Variants in CEP85 observed in about 807,000 individuals in gnomAD.
CEP85 encodes centrosomal protein of 85 kDa.
Under a neutral mutation model 93.7 loss-of-function variants are expected in CEP85, and 58 were observed. The observed-to-expected ratio is 0.62, with a 90% CI of 0.50 to 0.77. The LOEUF is 0.77. Among genes scored for constraint, CEP85 ranks in the 30% least tolerant of loss-of-function variants. The pLI is 0.00. For synonymous variants in CEP85, 314 were observed against 338.6 expected, an observed-to-expected ratio of 0.93 and a Z score of 0.80; for missense variants, 868 against 922.0, an observed-to-expected ratio of 0.94 and a Z score of 0.76.
chr1:26,242,688 G>A (rs2089445807), intron 2 of CEP85, among the ~76,000 whole-genome samples: 1 of 152,100 alleles, frequency 6.6e-6, no homozygotes, highest in Non-Finnish European at 1.5e-5. Flanking sequence ...TTTAGTGGGA[G>A]CAATCATTTG....
chr1:26,242,204 A>G (rs1181633851), intron 2 of CEP85, among the ~76,000 whole-genome samples: 1 of 152,242 alleles, frequency 6.6e-6, no homozygotes, highest in Non-Finnish European at 1.5e-5. Flanking sequence ...GTGGAAGATT[A>G]GTAGTAGTAA....
chr1:26,250,579 A>G (rs1055749477), intron 3 of CEP85, among the ~76,000 whole-genome samples: 1 of 152,222 alleles, frequency 6.6e-6, no homozygotes, highest in African/African-American at 2.4e-5. Context: ...AACCCAATAG[A>G]TAAGTTAAAA....
chr1:26,253,839 C>T (rs111355088), intron 3 of CEP85, among the ~76,000 whole-genome samples: 25,005 of 151,460 alleles, frequency 0.17, 2,160 homozygotes, highest in Middle Eastern at 0.21. Context: ...CCCATGAGTT[C>T]GAGACCAGTC....
intron 8 of CEP85, among the ~76,000 whole-genome samples, 183 bp downstream of exon 8, chr1:26,268,818 CAG>C (rs1024776681): frequency 6.6e-6 from 1 of 152,224 alleles, no homozygotes; most frequent in African/African-American, 2.4e-5. Context: ...GGTACCCAGA[CAG>C]AGTCTTCCTT....
At chr1:26,254,642 C>T (rs2089668901) in intron 3 of CEP85, 1 of 158,234 alleles carries the variant, frequency 6.3e-6, no homozygotes, top group African/African-American at 2.4e-5. Context: ...CCCTGTCCTG[C>T]ATACTGAGCA....
chr1:26,269,420 C>T, intron 8 of CEP85, 40 bp from the exon 9 acceptor site: 3 of 1,601,750 alleles, frequency 1.9e-6, no homozygotes, highest in Non-Finnish European at 2.6e-6. Flanking sequence ...ATTTATAACA[C>T]TTGGCTTATT....
Position 26,239,779 on chromosome 1 carries a change from G to A in CEP85, c.-5G>A. 1 of 1,611,786 alleles carries A rather than the reference G, an allele frequency of 6.2e-7. No homozygotes were observed. The highest frequency in any genetic ancestry group is 8.5e-7 in the Non-Finnish European group (1 of 1,177,896). ...TTCTACAGTTGGCTTAAATAACTGT[G>A]ATTGATGGCCATGCAGGAGAAATAT... On this transcript the variant is annotated 5_prime_UTR_variant, in exon 2 of 14. Transcript: ENST00000451429.
At position 26,276,589 on chromosome 1, in the gene CEP85, C is replaced by T; in HGVS notation, c.1957C>T (p.Leu653=). ...GAAGAATCTGACACTCCAGGAACAC[C>T]TGCGCCAGGCCCAACCAGGGTCTCC... ...IEKNLTLQEH[L]RQAQPGSPPS... The change falls in exon 13 of 14, where the codon CTG becomes TTG. Residue 653 remains leucine, a synonymous_variant. Transcript: ENST00000451429. 1 of 1,614,224 alleles carries T rather than the reference C, an allele frequency of 6.2e-7. No individual in the cohort carries two copies. Among genetic ancestry groups the T allele is most frequent in the Non-Finnish European group, 8.5e-7 (1 of 1,180,036 alleles).
intron 3 of CEP85, among the ~76,000 whole-genome samples, chr1:26,247,842 T>C (rs571672944): frequency 2.0e-5 from 3 of 152,184 alleles, no homozygotes; most frequent in African/African-American, 7.2e-5. Context: ...GTTTTGCGTG[T>C]GGAGTCAGGT....
chr1:26,263,497 C>T (rs576667296), intron 7 of CEP85: 3 of 154,102 alleles, frequency 1.9e-5, no homozygotes, highest in South Asian at 4.0e-4. Flanking sequence ...GAATGGCTGC[C>T]GGATGGCAAA....
chr1:26,262,171 G>A (rs2089820124), intron 7 of CEP85, among the ~76,000 whole-genome samples: 1 of 152,112 alleles, frequency 6.6e-6, no homozygotes, highest in African/African-American at 2.4e-5. Context: ...GCTGGGGGTG[G>A]TGGCGCACGC....
rs2090078529 is a variant in CEP85 at position 26,278,043 on chromosome 1, C to T, written c.*750C>T. The T allele has an allele frequency of 6.6e-6, 1 of 152,588 alleles. No individual in the cohort carries two copies. The highest frequency in any genetic ancestry group is 2.1e-4 in the South Asian group (1 of 4,820). The allele number at this position is 152,588 out of a possible 1,614,324, so 9.5% of individuals were successfully genotyped here. The stretch of plus-strand genomic sequence containing the variant: ...CCTTCCAGGTAGTCCCCTTCCTGGA[C>T]TTAAGAGTGCAAACTCTTCTCTGTG... On this transcript the variant is annotated 3_prime_UTR_variant, in exon 14 of 14. Coordinates refer to ENST00000451429, the MANE Select transcript of CEP85 (RefSeq NM_001319944.2).
At chr1:26,253,133 T>C (rs1468562322) in intron 3 of CEP85, among the ~76,000 whole-genome samples, 1 of 152,222 alleles carries the variant, frequency 6.6e-6, no homozygotes. Context: ...TATCTGTTCG[T>C]CTGTTGATTC....
intron 7 of CEP85, among the ~76,000 whole-genome samples, chr1:26,260,420 G>A (rs1447269658): frequency 6.6e-6 from 1 of 151,774 alleles, no homozygotes; most frequent in Non-Finnish European, 1.5e-5. Context: ...GAACCCGGGA[G>A]ACAGAGGTTG....
At chr1:26,238,961 G>GT (rs2089377189) in intron 1 of CEP85, among the ~76,000 whole-genome samples, 1 of 152,078 alleles carries the variant, frequency 6.6e-6, no homozygotes, top group Non-Finnish European at 1.5e-5. Flanking sequence ...TTTTTACATC[G>GT]TATGACTGAC....
At chr1:26,253,477 C>T (rs943810988) in intron 3 of CEP85, among the ~76,000 whole-genome samples, 1 of 151,578 alleles carries the variant, frequency 6.6e-6, no homozygotes, top group African/African-American at 2.4e-5. Flanking sequence ...GCAACCTCCA[C>T]CTCCTGGGTT....
intron 10 of CEP85, 109 bp from the exon 11 acceptor site, chr1:26,271,912 C>A: frequency 1.1e-6 from 1 of 881,028 alleles, no homozygotes; most frequent in Non-Finnish European, 1.9e-6. Flanking sequence ...CCTGGTCTTA[C>A]TCTTAATGGT....
chr1:26,240,480 A>G (rs1023233982), intron 2 of CEP85, among the ~76,000 whole-genome samples: 3 of 152,198 alleles, frequency 2.0e-5, no homozygotes, highest in Non-Finnish European at 2.9e-5. Context: ...ACCCAATGCA[A>G]TGTAAATGCT....
intron 11 of CEP85, among the ~76,000 whole-genome samples, chr1:26,272,698 G>A (rs563668070): frequency 1.5e-5 from 2 of 136,126 alleles, no homozygotes; most frequent in South Asian, 2.3e-4. Context: ...GCGCAATCTC[G>A]GCTCACTGTA....
Sources: allele counts gnomAD v4.1 joint callset (sites outside exome capture counted in the v4.1 genomes callset), GRCh38; gene constraint gnomAD v4.1.1; transcripts MANE v1.5; gene names NCBI Gene and HGNC (gene_info 2026-07-23, HGNC 2026-07-21).